SAR1B: variants seen among roughly 807,000 people sequenced by gnomAD.
SAR1B encodes small COPII coat GTPase SAR1B.
Under a neutral mutation model 26.8 loss-of-function variants are expected in SAR1B, and 23 were observed. The observed-to-expected ratio is 0.86, with a 90% confidence interval of 0.62 to 1.22. SAR1B has a LOEUF of 1.22. Ranked by LOEUF, SAR1B falls within the 50% of genes most tolerant of loss-of-function variation. The pLI is 0.00. For synonymous variants in SAR1B, 65 were observed against 80.8 expected (o/e 0.80, Z 1.05); for missense variants, 196 against 232.8 (o/e 0.84, Z 1.03).
chr5:134,621,353 C>T (rs1765404573), intron 2 of SAR1B, among the ~76,000 whole-genome samples: 1 of 152,016 alleles, frequency 6.6e-6, no homozygotes, highest in Non-Finnish European at 1.5e-5. Flanking sequence ...GCCTGTAATC[C>T]CAGCTACTTG....
At chr5:134,625,532 T>G (rs1292793409) in intron 1 of SAR1B, among the ~76,000 whole-genome samples, 1 of 151,662 alleles carries the variant, frequency 6.6e-6, no homozygotes, top group African/African-American at 2.4e-5. Context: ...ATTGGGAAAA[T>G]AGGGTAGAAA....
At chr5:134,614,512 A>C (rs185600114) in intron 3 of SAR1B, 1 of 152,362 alleles carries the variant, frequency 6.6e-6, no homozygotes, top group African/African-American at 2.4e-5. Flanking sequence ...GGGATTAAAC[A>C]ACAATTCCTG....
At chr5:134,631,663 G>T (rs2150058123) in intron 1 of SAR1B, 1 of 152,324 alleles carries the variant, frequency 6.6e-6, no homozygotes, top group South Asian at 2.1e-4. Context: ...TTTGTCCACT[G>T]TACCAAACAC....
intron 1 of SAR1B, among the ~76,000 whole-genome samples, chr5:134,630,369 C>T (rs1368281712): frequency 6.7e-5 from 10 of 149,902 alleles, no homozygotes; most frequent in East Asian, 2.0e-4. Context: ...GCAGGAGAAT[C>T]GCTTGAACCC....
chr5:134,620,990 ATGT>A lies in SAR1B; in HGVS notation c.118_120del (p.Thr40del). The stretch of plus-strand genomic sequence containing the variant: ...CTGTCATCTTTTAGCATGTGTAGCA[ATGT>A]TGTTTTTCCTGCATTATCCAATCCA... On this transcript the variant is annotated inframe_deletion, in exon 3 of 7. Coordinates refer to ENST00000402673, the MANE Select transcript of SAR1B (RefSeq NM_016103.4). 6.2e-7 allele frequency: 1 copy of A among 1,613,386 alleles called. No individual in the cohort carries two copies. Among genetic ancestry groups the A allele is most frequent in the Non-Finnish European group, 8.5e-7 (1 of 1,179,354 alleles).
At chr5:134,618,377 T>C (rs1262282208) in intron 3 of SAR1B, 1 of 152,210 alleles carries the variant, frequency 6.6e-6, no homozygotes. Flanking sequence ...ACTAATTGTT[T>C]TATAGATAAA....
At chr5:134,620,288 AGAGT>A (rs769847084) in intron 3 of SAR1B, among the ~76,000 whole-genome samples, 10 of 152,032 alleles carry the variant, frequency 6.6e-5, no homozygotes, top group Admixed American at 1.3e-4. Flanking sequence ...CCTGGGCGAC[AGAGT>A]GAGACTCCAC....
At chr5:134,621,131 A>C (rs1005487296) in intron 2 of SAR1B, 79 bp from the exon 3 acceptor site, 4 of 1,470,862 alleles carry the variant, frequency 2.7e-6, no homozygotes, top group Non-Finnish European at 3.8e-6. Flanking sequence ...GGCCCAATTA[A>C]GCTTGAAGTT....
intron 3 of SAR1B, chr5:134,613,984 C>G (rs1283639911): frequency 6.6e-6 from 1 of 152,082 alleles, no homozygotes; most frequent in Non-Finnish European, 1.5e-5. Context: ...CTGGCACTAT[C>G]TAATTTACTA....
chr5:134,617,881 G>A (rs1387223606), intron 3 of SAR1B, among the ~76,000 whole-genome samples: 1 of 152,006 alleles, frequency 6.6e-6, no homozygotes, highest in Non-Finnish European at 1.5e-5. Flanking sequence ...CGGGTTTCAC[G>A]ATGTTGGCCA....
At position 134,608,457 on chromosome 5, in the gene SAR1B, A is replaced by G; in HGVS notation, c.395T>C (p.Leu132Pro). The G allele has an allele frequency of 6.2e-7, 1 of 1,612,408 alleles. No individual in the cohort carries two copies. Among genetic ancestry groups the G allele is most frequent in the Non-Finnish European group, 8.5e-7 (1 of 1,179,356 alleles). ...ETIANVPILI[L>P]GNKIDRPEAI... is the part of the protein sequence containing the mutation. ...TTCAGGTCTGTCGATCTTATTCCCA[A>G]GAATCAGTATAGGCACATTAGCAAT... Residue 132 changes from leucine (L) to proline (P), a missense_variant, in exon 6 of 7, where the codon CTT (leucine) becomes CCT (proline). By Grantham distance (98) the Leu-to-Pro change is moderately conservative (BLOSUM62 -3). Transcript: ENST00000402673.
At chr5:134,624,691 G>A (rs978327478) in intron 1 of SAR1B, among the ~76,000 whole-genome samples, 12 of 144,600 alleles carry the variant, frequency 8.3e-5, no homozygotes, top group Non-Finnish European at 1.6e-4. Context: ...GCAATGGCTC[G>A]ATCTCAGCTC....
rs1041044944 is a variant in SAR1B at position 134,608,278 on chromosome 5, A to C, written c.480+94T>G. ...AATGACAGTTTTCTTTAAGAAAATG[A>C]TAATGGGCTTGTATAGTTGGACAAT... On this transcript the variant is annotated intron_variant, in intron 6 of 6. Coordinates refer to ENST00000402673, the MANE Select transcript of SAR1B (RefSeq NM_016103.4). 3.0e-5 allele frequency: 39 copies of C among 1,299,474 alleles called. No homozygotes were observed. In the African/African-American group the frequency reaches 5.6e-4, roughly 19 times the overall value. 80.5% of individuals were successfully genotyped at this position (1,299,474 alleles called of 1,614,324 possible). A position where few individuals can be genotyped will look rare whatever the true frequency, so the allele number is the denominator to read the frequency against.
chr5:134,630,569 G>A (rs940480498), intron 1 of SAR1B, among the ~76,000 whole-genome samples: 3 of 151,284 alleles, frequency 2.0e-5, no homozygotes, highest in African/African-American at 7.3e-5. Flanking sequence ...GATCACTTGA[G>A]TTCGGGAGTT....
At chr5:134,626,896 A>C (rs1404131747) in intron 1 of SAR1B, among the ~76,000 whole-genome samples, 1 of 152,174 alleles carries the variant, frequency 6.6e-6, no homozygotes, top group Non-Finnish European at 1.5e-5. Context: ...ATGTGACTAT[A>C]CTAAAAACAC....
intron 3 of SAR1B, among the ~76,000 whole-genome samples, chr5:134,618,477 C>T (rs1011718774): frequency 4.5e-4 from 69 of 152,056 alleles, no homozygotes; most frequent in African/African-American, 1.5e-3. Context: ...TGGTCCAGTT[C>T]TCAATTTTAT....
In SAR1B at chr5:134,602,768, C is replaced by T. The variant is rs1209272247; in HGVS notation, c.*4182G>A. 6.6e-6 allele frequency: 1 copy of T among 152,026 alleles called. No homozygotes were observed. Among genetic ancestry groups the T allele is most frequent in the Non-Finnish European group, 1.5e-5 (1 of 68,024 alleles). 9.4% of individuals were successfully genotyped at this position (152,026 alleles called of 1,614,324 possible). On this transcript the variant is annotated 3_prime_UTR_variant, in exon 7 of 7. Transcript: ENST00000402673. Reference sequence around the variant, plus strand: ...TGTGGTGCACCTGTAATCCCAGCTACTCGGGATGGTGAGGCACGAGAATCG... The same window carrying T: ...TGTGGTGCACCTGTAATCCCAGCTATTCGGGATGGTGAGGCACGAGAATCG...
chr5:134,632,327 G>A (rs1033796919), intron 1 of SAR1B: 1 of 152,210 alleles, frequency 6.6e-6, no homozygotes, highest in Non-Finnish European at 1.5e-5. Context: ...TAGTAAGGAA[G>A]CTCAATTTGC....
rs113063183 is a variant in SAR1B, at chr5:134,625,316, CA to C, written c.-18-1280del. Among the ~76,000 whole-genome samples the C allele has an allele frequency of 3.7e-3, 558 of 152,230 alleles. 3 individuals are homozygous for C. Among genetic ancestry groups the C allele is most frequent in the African/African-American group, 0.013 (534 of 41,522 alleles). On this transcript the variant is annotated intron_variant, in intron 1 of 6. Coordinates refer to ENST00000402673, the MANE Select transcript of SAR1B (RefSeq NM_016103.4). The stretch of plus-strand genomic sequence containing the variant: ...TGCTGATTTCCAACCTTCCACCCTC[CA>C]CCAGCAGTGCTCAACATGGAGTGAC...
Sources: gnomAD v4.1 joint callset for allele counts (sites outside exome capture counted in the v4.1 genomes callset) on GRCh38, gnomAD v4.1.1 for gene constraint, MANE v1.5 for transcripts, NCBI Gene and HGNC (gene_info 2026-07-23, HGNC 2026-07-21) for gene names.